Variants in ARHGEF28 observed in about 807,000 individuals in gnomAD.
ARHGEF28 encodes the protein 190 kDa guanine nucleotide exchange factor.
In ARHGEF28, 152 loss-of-function variants were observed where a neutral mutation model predicts 206.6. That is an observed-to-expected ratio of 0.74 (90% CI 0.64 to 0.84). The LOEUF (loss-of-function observed/expected upper bound fraction) is 0.84. ARHGEF28 is among the 40% of genes least tolerant of loss of function. The pLI is 0.00. For missense variants in ARHGEF28, 2,028 were observed against 2,073.2 expected, an observed-to-expected ratio of 0.98 and a Z score of 0.42; for synonymous variants, 763 against 776.4, an observed-to-expected ratio of 0.98 and a Z score of 0.29.
intron 4 of ARHGEF28, among the ~76,000 whole-genome samples, chr5:73,773,051 C>T (rs750405331): frequency 2.6e-5 from 4 of 152,134 alleles, no homozygotes; most frequent in Admixed American, 6.5e-5. Context: ...ACACACAAAC[C>T]GTAGAGATTT....
chr5:73,838,278 A>G (rs940753737), intron 10 of ARHGEF28, among the ~76,000 whole-genome samples: 3 of 152,150 alleles, frequency 2.0e-5, no homozygotes, highest in Admixed American at 6.5e-5. Context: ...TATAGCCCCT[A>G]TATCTATTTG....
In ARHGEF28 at chr5:73,821,269, T is replaced by G. The variant is rs367630086; in HGVS notation, c.1025-11069T>G. On this transcript the variant is annotated intron_variant, in intron 9 of 35. Coordinates refer to ENST00000513042, the MANE Select transcript of ARHGEF28 (RefSeq NM_001177693.2). ...ATCATTCATTCAGCCATTCTTCCGT[T>G]TATTCATTCATTCAGAATGTTTCTA... Among the ~76,000 whole-genome samples, 35 of 152,262 alleles carry G rather than the reference T, an allele frequency of 2.3e-4. No homozygotes were observed. In the East Asian group the frequency reaches 4.3e-3, roughly 19 times the overall value.
At chr5:73,915,111 A>G (rs141683012) in intron 35 of ARHGEF28, among the ~76,000 whole-genome samples, 2 of 152,188 alleles carry the variant, frequency 1.3e-5, no homozygotes, top group Non-Finnish European at 2.9e-5. Context: ...GCCTAGTGGG[A>G]TGTTCATGAT....
At chr5:73,763,309 G>T (rs960028683) in intron 4 of ARHGEF28, among the ~76,000 whole-genome samples, 3 of 152,126 alleles carry the variant, frequency 2.0e-5, no homozygotes, top group Admixed American at 6.5e-5. Context: ...ATCCATTGAA[G>T]CTGTAGCTCA....
intron 1 of ARHGEF28, among the ~76,000 whole-genome samples, chr5:73,669,604 A>C (rs1746180832): frequency 6.6e-6 from 1 of 152,256 alleles, no homozygotes; most frequent in South Asian, 2.1e-4. Flanking sequence ...AGCTATATTC[A>C]GACGTGTTGT....
chr5:73,903,910 C>T (rs990051276), intron 31 of ARHGEF28: 1 of 372,802 alleles, frequency 2.7e-6, no homozygotes, highest in African/African-American at 2.1e-5. Context: ...TTGTGGTTTG[C>T]ACAAGGTAAA....
intron 9 of ARHGEF28, among the ~76,000 whole-genome samples, chr5:73,810,314 GGTC>G (rs778992528): frequency 7.9e-5 from 12 of 152,146 alleles, no homozygotes; most frequent in Non-Finnish European, 1.8e-4. Flanking sequence ...GTATTGGTTA[GGTC>G]GTTCAATACT....
At chr5:73,762,561 T>G (rs1752664801) in intron 4 of ARHGEF28, among the ~76,000 whole-genome samples, 1 of 152,164 alleles carries the variant, frequency 6.6e-6, no homozygotes, top group African/African-American at 2.4e-5. Flanking sequence ...ATCTGCAGTT[T>G]ATAATAGGAG....
At chr5:73,685,798 A>G (rs1468365758) in intron 2 of ARHGEF28, among the ~76,000 whole-genome samples, 1 of 151,200 alleles carries the variant, frequency 6.6e-6, no homozygotes, top group Non-Finnish European at 1.5e-5. Flanking sequence ...AATTTTTTGT[A>G]TTTTAGTAGA....
intron 22 of ARHGEF28, among the ~76,000 whole-genome samples, chr5:73,876,069 ATTTG>A (rs1760461021): frequency 6.7e-6 from 1 of 148,802 alleles, no homozygotes; most frequent in Non-Finnish European, 1.5e-5. Flanking sequence ...ATGTTCTTCC[ATTTG>A]TTTGTATCCT....
chr5:73,917,983 G>C (rs1442237279), intron 35 of ARHGEF28, among the ~76,000 whole-genome samples: 1 of 152,128 alleles, frequency 6.6e-6, no homozygotes, highest in Admixed American at 6.5e-5. Flanking sequence ...GTGACTGATG[G>C]GGTAATGATC....
At chr5:73,936,474 A>C (rs2112050249) in intron 35 of ARHGEF28, among the ~76,000 whole-genome samples, 1 of 152,354 alleles carries the variant, frequency 6.6e-6, no homozygotes, top group South Asian at 2.1e-4. Context: ...TTTCTCAAGT[A>C]TAAAGCAATT....
At chr5:73,803,601 G>A in intron 9 of ARHGEF28, 1 of 160,526 alleles carries the variant, frequency 6.2e-6, no homozygotes. Context: ...AAGAATCATG[G>A]GGACTCTATG....
intron 2 of ARHGEF28, among the ~76,000 whole-genome samples, chr5:73,719,281 G>A (rs572518851): frequency 1.3e-5 from 2 of 152,150 alleles, no homozygotes; most frequent in South Asian, 4.1e-4. Flanking sequence ...CATGGTGGCA[G>A]GCACCTGTAG....
chr5:73,888,735 C>T (rs548692507), intron 26 of ARHGEF28, among the ~76,000 whole-genome samples: 34 of 152,224 alleles, frequency 2.2e-4, no homozygotes, highest in Admixed American at 1.9e-3. Context: ...CAACTTAGAG[C>T]GCGCCTGGAA....
intron 10 of ARHGEF28, among the ~76,000 whole-genome samples, chr5:73,834,647 G>A (rs1757505856): frequency 6.6e-6 from 1 of 151,698 alleles, no homozygotes; most frequent in Non-Finnish European, 1.5e-5. Flanking sequence ...CATATGCAAA[G>A]GTGATCCCAT....
At chr5:73,679,103 C>T (rs973114996) in intron 1 of ARHGEF28, among the ~76,000 whole-genome samples, 2 of 152,194 alleles carry the variant, frequency 1.3e-5, no homozygotes, top group East Asian at 3.9e-4. Flanking sequence ...GTTGCCCAGG[C>T]TGATCTCAAA....
chr5:73,896,973 G>A (rs187530646), intron 29 of ARHGEF28, among the ~76,000 whole-genome samples: 11 of 152,328 alleles, frequency 7.2e-5, no homozygotes, highest in Middle Eastern at 3.4e-3. Context: ...ATTTGCAGCC[G>A]AAAGATGGAG....
At chr5:73,938,675 A>T (rs1033730141) in intron 35 of ARHGEF28, among the ~76,000 whole-genome samples, 1 of 152,260 alleles carries the variant, frequency 6.6e-6, no homozygotes, top group East Asian at 1.9e-4. Context: ...AGCTGTGCAT[A>T]TTTGTATTTA....
Sources: gnomAD v4.1 joint callset for allele counts (sites outside exome capture counted in the v4.1 genomes callset) on GRCh38, gnomAD v4.1.1 for gene constraint, MANE v1.5 for transcripts, NCBI Gene and HGNC (gene_info 2026-07-23, HGNC 2026-07-21) for gene names.